MAPK10: variants seen among roughly 807,000 people sequenced by gnomAD.
The protein encoded by MAPK10 is JNK3 alpha protein kinase.
MAPK10 carries 25 observed loss-of-function variants against 59.3 expected under a neutral mutation model. The observed-to-expected ratio is 0.42, with a 90% CI of 0.31 to 0.59. MAPK10 has a LOEUF of 0.59. MAPK10 is among the 20% of genes least tolerant of loss of function. The pLI is 0.15. For missense variants in MAPK10, 351 were observed against 568.9 expected, an observed-to-expected ratio of 0.62 and a Z score of 3.90; for synonymous variants, 190 against 200.5, an observed-to-expected ratio of 0.95 and a Z score of 0.44.
At chr4:86,209,494 C>T (rs2085178875) in intron 2 of MAPK10, among the ~76,000 whole-genome samples, 1 of 151,872 alleles carries the variant, frequency 6.6e-6, no homozygotes, top group African/African-American at 2.4e-5. Flanking sequence ...AAAGCCCACA[C>T]CAATCAGAAA....
intron 1 of MAPK10, among the ~76,000 whole-genome samples, chr4:86,525,619 A>C (rs1156288785): frequency 6.6e-6 from 1 of 152,202 alleles, no homozygotes; most frequent in Non-Finnish European, 1.5e-5. Context: ...TAACGGAGAA[A>C]AGTGAGTATA....
intron 5 of MAPK10, among the ~76,000 whole-genome samples, chr4:86,106,070 T>C (rs2056482331): frequency 6.6e-6 from 1 of 152,172 alleles, no homozygotes; most frequent in African/African-American, 2.4e-5. Flanking sequence ...GATCTGTTCC[T>C]GGCACATTTT....
At chr4:86,178,046 A>C (rs2076077397) in intron 3 of MAPK10, among the ~76,000 whole-genome samples, 1 of 152,074 alleles carries the variant, frequency 6.6e-6, no homozygotes. Flanking sequence ...TTTTAACTGA[A>C]GGCTAATTTT....
chr4:86,514,181 G>A (rs1011808002), intron 1 of MAPK10, among the ~76,000 whole-genome samples: 8 of 151,990 alleles, frequency 5.3e-5, no homozygotes, highest in Non-Finnish European at 7.4e-5. Flanking sequence ...GAATTCTCAC[G>A]CACTAAGCCC....
chr4:86,408,549 C>T (rs1189042576), intron 1 of MAPK10, among the ~76,000 whole-genome samples: 2 of 152,156 alleles, frequency 1.3e-5, no homozygotes, highest in African/African-American at 4.8e-5. Context: ...TCTCCACATC[C>T]TCTCCAGCAC....
chr4:86,209,116 C>T (rs1384273837), intron 2 of MAPK10, among the ~76,000 whole-genome samples: 1 of 151,928 alleles, frequency 6.6e-6, no homozygotes, highest in South Asian at 2.1e-4. Context: ...AAGGAGAGAT[C>T]GTGTTCATTA....
At chr4:86,308,103 C>T (rs377602467) in intron 2 of MAPK10, among the ~76,000 whole-genome samples, 57 of 152,106 alleles carry the variant, frequency 3.7e-4, no homozygotes, top group Middle Eastern at 6.8e-3. Context: ...TGATATCATT[C>T]GTACTAAAAG....
chr4:86,278,995 A>G (rs1483042690), intron 2 of MAPK10, among the ~76,000 whole-genome samples: 1 of 152,184 alleles, frequency 6.6e-6, no homozygotes, highest in East Asian at 1.9e-4. Context: ...GAAATATGTT[A>G]AAGTTCATCA....
intron 1 of MAPK10, among the ~76,000 whole-genome samples, chr4:86,555,697 T>C (rs1344051776): frequency 6.6e-6 from 1 of 152,196 alleles, no homozygotes; most frequent in Non-Finnish European, 1.5e-5. Context: ...TTTATTTTGG[T>C]TATTTAAATA....
At chr4:86,296,582 T>C (rs955352485) in intron 2 of MAPK10, among the ~76,000 whole-genome samples, 12 of 152,210 alleles carry the variant, frequency 7.9e-5, no homozygotes, top group African/African-American at 1.2e-4. Context: ...TAAAACAGTA[T>C]TGACTGGCAA....
intron 11 of MAPK10, among the ~76,000 whole-genome samples, chr4:86,062,302 G>T (rs1722629134): frequency 6.6e-6 from 1 of 152,020 alleles, no homozygotes; most frequent in Non-Finnish European, 1.5e-5. Flanking sequence ...CATACATCCT[G>T]CCTTGTTACT....
At chr4:86,040,253 G>A (rs2041241323) in intron 11 of MAPK10, among the ~76,000 whole-genome samples, 1 of 151,884 alleles carries the variant, frequency 6.6e-6, no homozygotes, top group Non-Finnish European at 1.5e-5. Flanking sequence ...AAAAATTACA[G>A]GGAAACAATT....
intron 4 of MAPK10, among the ~76,000 whole-genome samples, chr4:86,133,263 G>A (rs1289710233): frequency 1.3e-5 from 2 of 152,132 alleles, no homozygotes; most frequent in Non-Finnish European, 2.9e-5. Flanking sequence ...GCAGCCAAAA[G>A]TATATAGTAA....
intron 9 of MAPK10, among the ~76,000 whole-genome samples, chr4:86,076,494 A>G (rs1467903933): frequency 6.6e-6 from 1 of 152,218 alleles, no homozygotes; most frequent in Non-Finnish European, 1.5e-5. Context: ...TTCCATGTTC[A>G]GTGCTTGTTT....
intron 1 of MAPK10, among the ~76,000 whole-genome samples, chr4:86,587,303 C>G (rs183714946): frequency 3.3e-5 from 5 of 152,332 alleles, no homozygotes; most frequent in Admixed American, 3.3e-4. Context: ...TCATGTGACT[C>G]TGCATCCTAG....
At chr4:86,156,853 A>G (rs2067933279) in intron 4 of MAPK10, among the ~76,000 whole-genome samples, 1 of 152,038 alleles carries the variant, frequency 6.6e-6, no homozygotes, top group East Asian at 1.9e-4. Flanking sequence ...CTAAAAACTC[A>G]TCTTGCAGAT....
chr4:86,426,518 T>A (rs1747297934), intron 1 of MAPK10, among the ~76,000 whole-genome samples: 1 of 152,224 alleles, frequency 6.6e-6, no homozygotes, highest in Admixed American at 6.5e-5. Flanking sequence ...AAAATAAATT[T>A]GCATTTAGAT....
chr4:86,479,232 G>A (rs1428997139), intron 1 of MAPK10, among the ~76,000 whole-genome samples: 4 of 151,894 alleles, frequency 2.6e-5, no homozygotes, highest in South Asian at 2.1e-4. Context: ...AATCACCCAA[G>A]CAGTTTCTCA....
At chr4:86,548,416 G>A (rs182379120) in intron 1 of MAPK10, among the ~76,000 whole-genome samples, 5 of 152,282 alleles carry the variant, frequency 3.3e-5, no homozygotes, top group Admixed American at 6.5e-5. Flanking sequence ...AAGTCAGTGA[G>A]ACCAAGAACC....
Sources: allele counts gnomAD v4.1 joint callset (sites outside exome capture counted in the v4.1 genomes callset), GRCh38; gene constraint gnomAD v4.1.1; transcripts MANE v1.5; gene names NCBI Gene and HGNC (gene_info 2026-07-23, HGNC 2026-07-21).